SNTG1: variants seen among roughly 807,000 people sequenced by gnomAD.
SNTG1 encodes the protein syntrophin gamma 1.
In SNTG1, 39 loss-of-function variants were observed where a neutral mutation model predicts 74.7. That is an observed-to-expected ratio of 0.52 (90% CI 0.40 to 0.68). The LOEUF (loss-of-function observed/expected upper bound fraction) is 0.68, where lower values mean the gene tolerates loss of function less well. Ranked by LOEUF, SNTG1 falls within the 30% of genes least tolerant of loss-of-function variation. The pLI, the probability that SNTG1 is intolerant of heterozygous loss-of-function variation, is 0.00. For missense variants in SNTG1, 685 were observed against 609.5 expected (o/e 1.12, Z -1.30); for synonymous variants, 254 against 217.1 (o/e 1.17, Z -1.49).
rs1364310786 is a variant in SNTG1 at position 49,930,207 on chromosome 8, CA to C, written c.-103+17978del. Among the ~76,000 whole-genome samples the C allele has an allele frequency of 3.3e-5, 5 of 151,682 alleles. No individual in the cohort carries two copies. In the East Asian group the frequency reaches 9.7e-4, roughly 29 times the overall value. ...ATCAAATTTTGAATTTAAAACATAA[CA>C]AGAGATAGTATGAGAAAGACAATAC... On this transcript the variant is annotated intron_variant, in intron 1 of 18. Transcript: ENST00000642720.
At chr8:50,703,018 T>A (rs2095431393) in intron 15 of SNTG1, among the ~76,000 whole-genome samples, 1 of 152,188 alleles carries the variant, frequency 6.6e-6, no homozygotes, top group Non-Finnish European at 1.5e-5. Flanking sequence ...AGTCAATGAA[T>A]GAGTGATGAG....
chr8:50,290,548 T>A (rs2089037897), intron 2 of SNTG1, among the ~76,000 whole-genome samples: 1 of 152,170 alleles, frequency 6.6e-6, no homozygotes, highest in Non-Finnish European at 1.5e-5. Flanking sequence ...GTTTGCAGTT[T>A]CCGAAGAGTT....
chr8:50,434,188 C>T (rs1407321577), intron 4 of SNTG1, among the ~76,000 whole-genome samples: 1 of 152,050 alleles, frequency 6.6e-6, no homozygotes, highest in Middle Eastern at 3.2e-3. Context: ...TGGTTTCCAG[C>T]TTTATCCATT....
rs545373238 is a variant in SNTG1 at position 50,449,622 on chromosome 8, A to ATT, written c.220-39_220-38dup. ...GTATGGTTTCTTAGCTAAAAGCAGCATTTTTTTTAGATTAAAAAGTACAAT... is the reference window on the plus strand; with the variant it reads ...GTATGGTTTCTTAGCTAAAAGCAGCATTTTTTTTTTAGATTAAAAAGTACAAT... On this transcript the variant is annotated intron_variant, in intron 5 of 18. Transcript: ENST00000642720. The ATT allele has an allele frequency of 5.1e-4, 740 of 1,464,414 alleles. 6 individuals carry two copies. The African/African-American group carries it at 9.0e-3, about 18-fold the overall frequency. The allele number at this position is 1,464,414 out of a possible 1,614,324, so 90.7% of individuals were successfully genotyped here.
At chr8:50,069,450 A>G (rs963034998) in intron 1 of SNTG1, among the ~76,000 whole-genome samples, 5 of 152,210 alleles carry the variant, frequency 3.3e-5, no homozygotes, top group African/African-American at 1.2e-4. Context: ...ATTTACTGGC[A>G]TGGAAAAATG....
chr8:50,667,106 T>A (rs1394808649), intron 15 of SNTG1, among the ~76,000 whole-genome samples: 1 of 151,848 alleles, frequency 6.6e-6, no homozygotes, highest in Non-Finnish European at 1.5e-5. Flanking sequence ...ACACATAAAT[T>A]AAGGTATAAC....
chr8:50,782,966 C>T (rs1383120661), intron 18 of SNTG1, among the ~76,000 whole-genome samples: 1 of 152,116 alleles, frequency 6.6e-6, no homozygotes, highest in Non-Finnish European at 1.5e-5. Flanking sequence ...GCCAGAGGTC[C>T]ACCCCAGACC....
chr8:50,781,880 ACT>A (rs2095660638), intron 18 of SNTG1, among the ~76,000 whole-genome samples: 2 of 150,620 alleles, frequency 1.3e-5, no homozygotes. Flanking sequence ...TCCTTCAGGA[ACT>A]CTTTTAGGGT....
At chr8:50,331,908 T>C (rs1051442726) in intron 2 of SNTG1, among the ~76,000 whole-genome samples, 5 of 152,302 alleles carry the variant, frequency 3.3e-5, no homozygotes, top group African/African-American at 1.2e-4. Context: ...AATATTTTAA[T>C]TTTCAGAATT....
intron 1 of SNTG1, among the ~76,000 whole-genome samples, chr8:50,087,833 A>C (rs1275404364): frequency 1.3e-5 from 2 of 151,396 alleles, no homozygotes; most frequent in Non-Finnish European, 2.9e-5. Context: ...CACATTGTGC[A>C]GGTTAGTTAC....
intron 2 of SNTG1, among the ~76,000 whole-genome samples, chr8:50,378,281 A>G (rs1339572038): frequency 6.6e-6 from 1 of 152,214 alleles, no homozygotes; most frequent in Admixed American, 6.5e-5. Context: ...ATTGCAGAAC[A>G]CAGTGGCACC....
chr8:50,493,323 G>A (rs1350616419), intron 8 of SNTG1, among the ~76,000 whole-genome samples: 1 of 152,140 alleles, frequency 6.6e-6, no homozygotes, highest in African/African-American at 2.4e-5. Context: ...ACATATTCCT[G>A]AATGAACTTT....
chr8:50,456,944 G>C (rs1216775950), intron 8 of SNTG1: 1 of 152,102 alleles, frequency 6.6e-6, no homozygotes, highest in Non-Finnish European at 1.5e-5. Flanking sequence ...TCCTGTCTGG[G>C]GGGTTGGAAT....
In SNTG1 at chr8:50,582,088, T is replaced by G. The variant is rs146807322; in HGVS notation, c.811-8791T>G. On this transcript the variant is annotated intron_variant, in intron 12 of 18. Transcript: ENST00000642720. The stretch of plus-strand genomic sequence containing the variant: ...CTGACAAAAACAATCATCCAGTATC[T>G]GCAGGTTTCACACTATAGACATTAA... 4.1e-3 allele frequency among the ~76,000 whole-genome samples: 617 copies of G among 152,336 alleles called. 4 individuals carry two copies. Among genetic ancestry groups the G allele is most frequent in the African/African-American group, 0.014 (574 of 41,578 alleles).
chr8:50,619,348 A>T (rs16915097), intron 13 of SNTG1, among the ~76,000 whole-genome samples: 1 of 152,042 alleles, frequency 6.6e-6, no homozygotes, highest in Non-Finnish European at 1.5e-5. Flanking sequence ...GTACCTATTT[A>T]TCTGCTTTCT....
chr8:50,156,875 G>A (rs1366124071), intron 1 of SNTG1, among the ~76,000 whole-genome samples: 1 of 152,142 alleles, frequency 6.6e-6, no homozygotes, highest in Non-Finnish European at 1.5e-5. Context: ...GCAATACCAA[G>A]TGTTGTTAAG....
chr8:50,145,058 G>A (rs1197112808), intron 1 of SNTG1, among the ~76,000 whole-genome samples: 4 of 152,240 alleles, frequency 2.6e-5, no homozygotes, highest in South Asian at 2.1e-4. Flanking sequence ...GTCACATGTG[G>A]TGCCCTCCAC....
At chr8:50,464,509 A>G (rs1346362349) in intron 8 of SNTG1, among the ~76,000 whole-genome samples, 1 of 152,170 alleles carries the variant, frequency 6.6e-6, no homozygotes, top group Non-Finnish European at 1.5e-5. Context: ...AAATGGGGAA[A>G]TGAACAGTCA....
intron 9 of SNTG1, among the ~76,000 whole-genome samples, chr8:50,503,549 G>T (rs1451219646): frequency 6.6e-6 from 1 of 152,050 alleles, no homozygotes; most frequent in Non-Finnish European, 1.5e-5. Context: ...GCCCAGAAAT[G>T]ACTACTCACT....
Sources: gnomAD v4.1 joint callset for allele counts (sites outside exome capture counted in the v4.1 genomes callset) on GRCh38, gnomAD v4.1.1 for gene constraint, MANE v1.5 for transcripts, NCBI Gene and HGNC (gene_info 2026-07-23, HGNC 2026-07-21) for gene names.